Variants in AGO1 observed in about 807,000 individuals in gnomAD.
The protein encoded by AGO1 is argonaute RISC component 1.
A neutral mutation model predicts 109.2 loss-of-function variants in AGO1; 11 were observed. The observed-to-expected ratio is 0.10, with a 90% CI of 0.06 to 0.17. The LOEUF is 0.17. Ranked by LOEUF, AGO1 falls within the 10% of genes least tolerant of loss-of-function variation. The pLI, the probability that AGO1 is intolerant of heterozygous loss-of-function variation, is 1.00. For synonymous variants in AGO1, 422 were observed against 418.6 expected (o/e 1.01, Z -0.10); for missense variants, 574 against 1,140.3 (o/e 0.50, Z 7.15).
At chr1:35,904,576 T>G (rs1645484239) in intron 11 of AGO1, among the ~76,000 whole-genome samples, 1 of 152,160 alleles carries the variant, frequency 6.6e-6, no homozygotes, top group African/African-American at 2.4e-5. Context: ...TGATCTATTG[T>G]TTTGGCCATT....
intron 12 of AGO1, among the ~76,000 whole-genome samples, chr1:35,913,227 A>G (rs1489125110): frequency 1.0e-4 from 15 of 150,466 alleles, no homozygotes; most frequent in Non-Finnish European, 3.0e-5. Context: ...CACCATGTTA[A>G]CCAGGATGAT....
intron 1 of AGO1, among the ~76,000 whole-genome samples, chr1:35,875,936 A>T (rs1357361755): frequency 2.0e-5 from 3 of 152,256 alleles, no homozygotes; most frequent in Non-Finnish European, 2.9e-5. Flanking sequence ...TAAGAAATAC[A>T]TTCCATATAC....
rs900361502 is a variant in AGO1, at chr1:35,928,939, G to A, written c.*9332G>A. On this transcript the variant is annotated 3_prime_UTR_variant, in exon 19 of 19. Coordinates refer to ENST00000373204, the MANE Select transcript of AGO1 (RefSeq NM_012199.5). ...TTCTCAGAACAACCAGTGTCACCAGGTATGAGGGCAGAGTTTTAGCTTGTT... is the reference window on the plus strand; with the variant it reads ...TTCTCAGAACAACCAGTGTCACCAGATATGAGGGCAGAGTTTTAGCTTGTT... 1.3e-5 allele frequency: 2 copies of A among 152,184 alleles called. No homozygotes were observed. The highest frequency in any genetic ancestry group is 4.8e-5 in the African/African-American group (2 of 41,436). The allele number at this position is 152,184 out of a possible 1,614,324, so 9.4% of individuals were successfully genotyped here.
At position 35,917,441 on chromosome 1, in the gene AGO1, G is replaced by T. The variant is rs1645753482; in HGVS notation, c.2029-152G>T. 6 of 869,270 alleles carry T rather than the reference G, an allele frequency of 6.9e-6. No individual in the cohort carries two copies. In the East Asian group the frequency reaches 1.3e-4, roughly 18 times the overall value. The allele number at this position is 869,270 out of a possible 1,614,324, so 53.8% of individuals were successfully genotyped here. Reference sequence around the variant, plus strand: ...CATAAGGCTGCTTTTGACAAGAAGGGCCTGTCATCTCTAATTGTTGAGCAT... The same window carrying T: ...CATAAGGCTGCTTTTGACAAGAAGGTCCTGTCATCTCTAATTGTTGAGCAT... On this transcript the variant is annotated intron_variant, in intron 15 of 18. Coordinates refer to ENST00000373204, the MANE Select transcript of AGO1 (RefSeq NM_012199.5).
At chr1:35,905,960 A>G (rs1037241070) in intron 11 of AGO1, among the ~76,000 whole-genome samples, 2 of 152,316 alleles carry the variant, frequency 1.3e-5, no homozygotes, top group African/African-American at 2.4e-5. Flanking sequence ...TGTATGCTAT[A>G]TAATAATAAC....
intron 1 of AGO1, among the ~76,000 whole-genome samples, chr1:35,870,405 T>C (rs1370900471): frequency 2.6e-5 from 4 of 151,832 alleles, no homozygotes; most frequent in African/African-American, 9.7e-5. Flanking sequence ...TGCCTCAGCC[T>C]CCCGAGTAGC....
intron 12 of AGO1, among the ~76,000 whole-genome samples, chr1:35,908,134 C>G (rs1645558556): frequency 6.6e-6 from 1 of 152,154 alleles, no homozygotes; most frequent in Admixed American, 6.5e-5. Context: ...AATGAGTTCT[C>G]TATATTCTCT....
intron 3 of AGO1, 134 bp downstream of exon 3, chr1:35,892,811 T>A: frequency 2.4e-6 from 3 of 1,253,942 alleles, no homozygotes; most frequent in Non-Finnish European, 3.4e-6. Flanking sequence ...GAGGGGTGGG[T>A]AGGTGCTGAT....
rs1404346706 is a variant in AGO1 at position 35,921,270 on chromosome 1, T to C, written c.*1663T>C. 1.4e-5 allele frequency: 2 copies of C among 145,190 alleles called. No individual in the cohort carries two copies. Among genetic ancestry groups the C allele is most frequent in the Non-Finnish European group, 3.0e-5 (2 of 66,356 alleles). The allele number at this position is 145,190 out of a possible 1,614,324, so 9.0% of individuals were successfully genotyped here. A position where few individuals can be genotyped will look rare whatever the true frequency, so the allele number is the denominator to read the frequency against. On this transcript the variant is annotated 3_prime_UTR_variant, in exon 19 of 19. Transcript: ENST00000373204. ...CTGGTTTCCCACTAGGGCATGTGGG[T>C]GGGTGGCATGGACTTTTTTTTTTTT...
Position 35,893,645 on chromosome 1 carries a change from G to A in AGO1, c.513-29G>A, listed in dbSNP as rs1434892395. On this transcript the variant is annotated intron_variant, in intron 4 of 18. Transcript: ENST00000373204. This position sits in a 1 kb window ranked among gnomAD's most constrained non-coding sequence, Gnocchi z 5.6. The stretch of plus-strand genomic sequence containing the variant: ...TCACAGGGTGGGGGCCTGTGCCCGA[G>A]GGACCAGTTCTCTGCCTGTCCCTGC... The A allele has an allele frequency of 1.9e-6, 3 of 1,589,090 alleles. No homozygotes were observed. Among genetic ancestry groups the A allele is most frequent in the East Asian group, 2.3e-5 (1 of 44,400 alleles).
In AGO1 at chr1:35,874,777, A is replaced by G. The variant is rs76721012; in HGVS notation, c.-201+4874A>G. Among the ~76,000 whole-genome samples the G allele has an allele frequency of 6.9e-3, 1,045 of 152,368 alleles. 7 individuals carry two copies. Among genetic ancestry groups the G allele is most frequent in the African/African-American group, 0.024 (993 of 41,590 alleles). ...AAAGGAGAAGTTCTTAAGGAAATTA[A>G]GAGTGCTAATCCAGTGAACACATGA... On this transcript the variant is annotated intron_variant, in intron 1 of 18. Coordinates refer to the AGO1 transcript ENST00000373206.
Position 35,893,774 on chromosome 1 carries a change from C to T in AGO1, c.613C>T (p.Arg205Cys). The T allele has an allele frequency of 1.2e-6, 2 of 1,613,730 alleles. No individual in the cohort carries two copies. The highest frequency in any genetic ancestry group is 8.5e-7 in the Non-Finnish European group (1 of 1,179,822). Residue 205 changes from arginine to cysteine, a missense_variant, in exon 5 of 19, where the codon CGC (arginine) becomes TGC (cysteine). Physicochemically the swap from Arg to Cys is radical, Grantham distance 180 (BLOSUM62 -3). Coordinates refer to ENST00000373204, the MANE Select transcript of AGO1 (RefSeq NM_012199.5). This position sits in a 1 kb window ranked among gnomAD's most constrained non-coding sequence, Gnocchi z 5.6. ...EVWFGFHQSV[R>C]PAMWKMMLNI... ...CTGGTTCGGCTTTCACCAGTCTGTGCGCCCTGCCATGTGGAAGATGATGCT... is the reference window on the plus strand; with the variant it reads ...CTGGTTCGGCTTTCACCAGTCTGTGTGCCCTGCCATGTGGAAGATGATGCT...
intron 11 of AGO1, among the ~76,000 whole-genome samples, chr1:35,903,667 G>C (rs1363288770): frequency 6.6e-6 from 1 of 151,754 alleles, no homozygotes; most frequent in Non-Finnish European, 1.5e-5. Context: ...GGGCAATATA[G>C]ATCCTATAAG....
In AGO1 at chr1:35,925,889, G is replaced by A. The variant is rs1025076280; in HGVS notation, c.*6282G>A. 6.6e-6 allele frequency: 1 copy of A among 152,218 alleles called. No homozygotes were observed. Among genetic ancestry groups the A allele is most frequent in the Non-Finnish European group, 1.5e-5 (1 of 68,064 alleles). 9.4% of individuals were successfully genotyped at this position (152,218 alleles called of 1,614,324 possible). A position where few individuals can be genotyped will look rare whatever the true frequency, so the allele number is the denominator to read the frequency against. ...GAGAAGGATCCTGGCGGATACCCCA[G>A]TGAGAAATCGTCAGTGGCAGCCAGT... is the stretch of plus-strand genomic sequence containing the variant. On this transcript the variant is annotated 3_prime_UTR_variant, in exon 19 of 19. Coordinates refer to ENST00000373204, the MANE Select transcript of AGO1 (RefSeq NM_012199.5).
intron 11 of AGO1, among the ~76,000 whole-genome samples, chr1:35,904,055 C>T (rs1645471702): frequency 6.6e-6 from 1 of 151,316 alleles, no homozygotes; most frequent in South Asian, 2.1e-4. Flanking sequence ...GATACACAAA[C>T]ACCATCATAA....
At chr1:35,894,496 G>A in intron 7 of AGO1, 94 bp downstream of exon 7, 8 of 1,269,196 alleles carry the variant, frequency 6.3e-6, no homozygotes, top group Non-Finnish European at 8.9e-6. Context: ...CACTGGCCTT[G>A]AGAATGAGCC....
intron 8 of AGO1, among the ~76,000 whole-genome samples, chr1:35,896,958 T>C (rs1043775706): frequency 2.6e-5 from 4 of 152,208 alleles, no homozygotes; most frequent in Admixed American, 2.6e-4. Context: ...AACAGCAGTT[T>C]CCAAGGGGTA....
At chr1:35,910,973 G>A (rs542913636) in intron 12 of AGO1, among the ~76,000 whole-genome samples, 9 of 152,272 alleles carry the variant, frequency 5.9e-5, no homozygotes, top group Admixed American at 2.6e-4. Flanking sequence ...GGCTGAGGCC[G>A]GAGAATTGCT....
chr1:35,902,602 T>C (rs1271687351), intron 11 of AGO1, among the ~76,000 whole-genome samples: 1 of 152,232 alleles, frequency 6.6e-6, no homozygotes, highest in Non-Finnish European at 1.5e-5. Context: ...GTTATAATTA[T>C]TATCATTGGT....
Sources: allele counts gnomAD v4.1 joint callset (sites outside exome capture counted in the v4.1 genomes callset), GRCh38; gene constraint gnomAD v4.1.1; non-coding constraint Gnocchi (gnomAD v3.1); transcripts MANE v1.5; gene names NCBI Gene and HGNC (gene_info 2026-07-23, HGNC 2026-07-21).